Variants in EPS15 observed in about 807,000 individuals in gnomAD.
EPS15 encodes epidermal growth factor receptor substrate 15.
Under a neutral mutation model 113.8 loss-of-function variants are expected in EPS15, and 72 were observed. The ratio of observed to expected loss-of-function variants is 0.63; its 90% CI spans 0.52 to 0.77. EPS15 has a LOEUF of 0.77. EPS15 is among the 30% of genes least tolerant of loss of function. The pLI, the probability that EPS15 is intolerant of heterozygous loss-of-function variation, is 0.00. For missense variants in EPS15, 1,048 were observed against 1,045.8 expected, an observed-to-expected ratio of 1.00 and a Z score of -0.03; for synonymous variants, 344 against 363.4, an observed-to-expected ratio of 0.95 and a Z score of 0.61.
At chr1:51,428,855 G>A (rs1054481100) in intron 12 of EPS15, among the ~76,000 whole-genome samples, 3 of 150,826 alleles carry the variant, frequency 2.0e-5, no homozygotes, top group African/African-American at 7.3e-5. Context: ...AAAAAGTGAG[G>A]GTAAGGCAGA....
chr1:51,413,875 A>ACTT (rs767257518), intron 13 of EPS15, among the ~76,000 whole-genome samples: 20 of 152,072 alleles, frequency 1.3e-4, no homozygotes, highest in Non-Finnish European at 2.8e-4. Context: ...CAGCCTCCCA[A>ACTT]GTAGCTGAGG....
chr1:51,419,345 T>G (rs973415172), intron 13 of EPS15, among the ~76,000 whole-genome samples: 5 of 151,998 alleles, frequency 3.3e-5, no homozygotes, highest in African/African-American at 1.2e-4. Context: ...AATTCAGAAA[T>G]TAATTACATA....
intron 1 of EPS15, among the ~76,000 whole-genome samples, chr1:51,497,702 G>T (rs1644348202): frequency 6.6e-6 from 1 of 152,166 alleles, no homozygotes; most frequent in African/African-American, 2.4e-5. Context: ...TTTAGTGTGA[G>T]GTACCGTGGC....
At chr1:51,477,576 C>G (rs1187727839) in intron 2 of EPS15, among the ~76,000 whole-genome samples, 2 of 152,030 alleles carry the variant, frequency 1.3e-5, no homozygotes, top group Non-Finnish European at 2.9e-5. Context: ...TTCCTGCTTT[C>G]TCTTGTGGGC....
intron 1 of EPS15, among the ~76,000 whole-genome samples, chr1:51,508,423 G>C (rs1031473893): frequency 2.6e-5 from 4 of 151,952 alleles, no homozygotes; most frequent in Non-Finnish European, 5.9e-5. Context: ...CTGCAGGTAA[G>C]TATTAATAAT....
intron 5 of EPS15, among the ~76,000 whole-genome samples, chr1:51,466,305 G>A (rs1351838143): frequency 6.6e-6 from 1 of 151,646 alleles, no homozygotes; most frequent in Non-Finnish European, 1.5e-5. Flanking sequence ...CTTTCTGTAG[G>A]GTAGCCATCT....
At position 51,402,449 on chromosome 1, in the gene EPS15, T is replaced by C; in HGVS notation, c.1868A>G (p.Asp623Gly). The stretch of plus-strand genomic sequence containing the variant: ...AGAGTACTTACTGCCAACAAAAGGA[T>C]CAGACTGGAAAAAATCCAAGTTTGT... ...ADTNLDFFQSDPFVGSDPFKD... is the reference protein window; with the variant it reads ...ADTNLDFFQSGPFVGSDPFKD... The change falls in exon 18 of 25, where the codon GAT (aspartate) becomes GGT (glycine). Residue 623 changes from aspartate (D) to glycine (G), a missense_variant. Asp to Gly is a moderately conservative substitution (Grantham distance 94). Coordinates refer to ENST00000371733, the MANE Select transcript of EPS15 (RefSeq NM_001981.3). 1.3e-6 allele frequency: 2 copies of C among 1,574,622 alleles called. No homozygotes were observed. The highest frequency in any genetic ancestry group is 8.7e-7 in the Non-Finnish European group (1 of 1,152,842).
chr1:51,480,815 T>A (rs1209826517), intron 2 of EPS15, among the ~76,000 whole-genome samples: 1 of 152,186 alleles, frequency 6.6e-6, no homozygotes, highest in Non-Finnish European at 1.5e-5. Context: ...CCCGGCCATA[T>A]TCCCATTTTT....
intron 2 of EPS15, among the ~76,000 whole-genome samples, chr1:51,473,579 GAAAC>G (rs1022191977): frequency 3.0e-4 from 45 of 151,342 alleles, no homozygotes; most frequent in Middle Eastern, 3.4e-3. Context: ...CACAAGAACA[GAAAC>G]AAACAAACAA....
At chr1:51,452,545 A>G (rs1307591511) in intron 8 of EPS15, among the ~76,000 whole-genome samples, 2 of 152,104 alleles carry the variant, frequency 1.3e-5, no homozygotes, top group Admixed American at 1.3e-4. Flanking sequence ...CAACCCCTCA[A>G]TTTATTTATT....
chr1:51,505,507 G>A (rs1644483706), intron 1 of EPS15, among the ~76,000 whole-genome samples: 1 of 152,162 alleles, frequency 6.6e-6, no homozygotes, highest in Admixed American at 6.5e-5. Flanking sequence ...TAGTTGCTTA[G>A]GCTGGGGGAA....
intron 1 of EPS15, among the ~76,000 whole-genome samples, chr1:51,512,481 T>G (rs1400409830): frequency 6.6e-6 from 1 of 151,312 alleles, no homozygotes; most frequent in Non-Finnish European, 1.5e-5. Flanking sequence ...AATCAAAAAA[T>G]GCCAAAAACA....
chr1:51,452,974 G>A (rs1193473586), intron 8 of EPS15, among the ~76,000 whole-genome samples: 1 of 152,134 alleles, frequency 6.6e-6, no homozygotes, highest in Non-Finnish European at 1.5e-5. Context: ...GTTTGTCCAG[G>A]AACCACACTT....
chr1:51,405,866 G>C, intron 16 of EPS15, 39 bp downstream of exon 16: 1 of 1,540,494 alleles, frequency 6.5e-7, no homozygotes, highest in Non-Finnish European at 9.0e-7. Flanking sequence ...ATCTGCACAA[G>C]GAGGTTGATT....
chr1:51,364,239 TATTAAG>T (rs959981890), intron 22 of EPS15, among the ~76,000 whole-genome samples: 1 of 152,190 alleles, frequency 6.6e-6, no homozygotes, highest in Admixed American at 6.6e-5. Flanking sequence ...CATCATTACT[TATTAAG>T]ATTAACAGAT....
At chr1:51,405,035 T>A (rs547204921) in intron 16 of EPS15, among the ~76,000 whole-genome samples, 1 of 152,200 alleles carries the variant, frequency 6.6e-6, no homozygotes, top group Non-Finnish European at 1.5e-5. Context: ...CAGGAATGTA[T>A]CCTCCTCTTC....
At chr1:51,513,119 C>G (rs890676522) in intron 1 of EPS15, among the ~76,000 whole-genome samples, 17 of 152,154 alleles carry the variant, frequency 1.1e-4, no homozygotes, top group African/African-American at 3.9e-4. Context: ...GCCTGAGCCA[C>G]TATGCCTACC....
chr1:51,477,309 T>C (rs1333370668), intron 2 of EPS15, among the ~76,000 whole-genome samples: 1 of 152,132 alleles, frequency 6.6e-6, no homozygotes, highest in Non-Finnish European at 1.5e-5. Flanking sequence ...ATCCCCTTTA[T>C]CATTTTTTAT....
At chr1:51,423,356 T>C in intron 12 of EPS15, 1 of 1,115,144 alleles carries the variant, frequency 9.0e-7, no homozygotes. Flanking sequence ...CTTATATAAA[T>C]TAAGCAAATT....
Sources: gnomAD v4.1 joint callset for allele counts (sites outside exome capture counted in the v4.1 genomes callset) on GRCh38, gnomAD v4.1.1 for gene constraint, MANE v1.5 for transcripts, NCBI Gene and HGNC (gene_info 2026-07-23, HGNC 2026-07-21) for gene names.